Variants in GNB5 observed in about 807,000 individuals in gnomAD.
The protein encoded by GNB5 is G protein subunit beta 5, also known as guanine nucleotide-binding protein subunit beta-5.
GNB5 carries 37 observed loss-of-function variants against 55.3 expected under a neutral mutation model. The observed-to-expected ratio is 0.67, with a 90% CI of 0.51 to 0.88. GNB5 has a LOEUF of 0.88. GNB5 is among the 40% of genes least tolerant of loss of function. The probability of loss-of-function intolerance (pLI) is 0.00; values close to 1 mark genes in which losing one functional copy is unlikely to be tolerated. For missense variants in GNB5, 476 were observed against 515.3 expected (o/e 0.92, Z 0.74); for synonymous variants, 219 against 198.5 (o/e 1.10, Z -0.87).
At chr15:52,185,450 G>A (rs781422545) in intron 1 of GNB5, among the ~76,000 whole-genome samples, 8 of 152,186 alleles carry the variant, frequency 5.3e-5, no homozygotes, top group African/African-American at 7.2e-5. Context: ...GCTCAAGGTC[G>A]GTAATACAGG....
intron 4 of GNB5, among the ~76,000 whole-genome samples, chr15:52,151,397 A>C (rs2034093732): frequency 6.6e-6 from 1 of 152,170 alleles, no homozygotes; most frequent in Admixed American, 6.5e-5. Context: ...CATTAAACTA[A>C]GTGTGGTCTC....
intron 7 of GNB5, 27 bp from the exon 8 acceptor site, chr15:52,135,783 G>C: frequency 2.5e-6 from 4 of 1,608,546 alleles, no homozygotes; most frequent in Non-Finnish European, 3.4e-6. Flanking sequence ...ACAGGAAGTG[G>C]GTGGTTGTGG....
rs1596042591 is a variant in GNB5 at position 52,115,875 on chromosome 15, T to A, written c.*6882A>T. ...CCTAAGTGACCACCAATCTGCTTTTTGTCTTTATGAGTTTGCTTATTAGGA... is the reference window on the plus strand; with the variant it reads ...CCTAAGTGACCACCAATCTGCTTTTAGTCTTTATGAGTTTGCTTATTAGGA... On this transcript the variant is annotated 3_prime_UTR_variant, in exon 13 of 13. Transcript: ENST00000261837. The A allele has an allele frequency of 6.6e-6, 1 of 152,356 alleles. No homozygotes were observed. 9.4% of individuals were successfully genotyped at this position (152,356 alleles called of 1,614,324 possible).
rs1270526972 is a variant in GNB5 at position 52,179,788 on chromosome 15, G to T, written c.218C>A (p.Ala73Asp). 10 of 1,540,108 alleles carry T rather than the reference G, an allele frequency of 6.5e-6. No homozygotes were observed. Among genetic ancestry groups the T allele is most frequent in the African/African-American group, 2.9e-5 (2 of 69,998 alleles). The change falls in exon 3 of 13, where the codon GCC becomes GAC. Residue 73 changes from alanine (A) to aspartate (D), a missense_variant. Ala to Asp is a moderately radical substitution (Grantham distance 126, BLOSUM62 -2). Transcript: ENST00000261837. ...SLKGKLEEER[A>D]KLHDVELHQV... ...CTCACGCTCCACATCGTGCAGCTTG[G>T]CTCGCTCCTCCTCCAGCTTGCCCTT... is the stretch of plus-strand genomic sequence containing the variant.
rs1233168318 is a variant in GNB5, at chr15:52,120,424, G to C, written c.*2333C>G. On this transcript the variant is annotated 3_prime_UTR_variant, in exon 13 of 13. Coordinates refer to ENST00000261837, the MANE Select transcript of GNB5 (RefSeq NM_016194.4). ...AGGCTTCCTGCCCATGCGGGGAGTG[G>C]AAGCATTCTCTGGAATACTTTCCCT... is the stretch of plus-strand genomic sequence containing the variant. 2 of 152,250 alleles carry C rather than the reference G, an allele frequency of 1.3e-5. No homozygotes were observed. Among genetic ancestry groups the C allele is most frequent in the African/African-American group, 4.8e-5 (2 of 41,450 alleles). The allele number at this position is 152,250 out of a possible 1,614,324, so 9.4% of individuals were successfully genotyped here.
intron 3 of GNB5, among the ~76,000 whole-genome samples, chr15:52,169,908 G>T (rs940132290): frequency 3.9e-5 from 6 of 152,126 alleles, no homozygotes; most frequent in African/African-American, 1.4e-4. Flanking sequence ...CAAAGGACAT[G>T]AACAGACACT....
Position 52,120,476 on chromosome 15 carries a change from G to C in GNB5, c.*2281C>G, listed in dbSNP as rs994480649. 6.6e-6 allele frequency: 1 copy of C among 152,174 alleles called. No individual in the cohort carries two copies. The highest frequency in any genetic ancestry group is 2.4e-5 in the African/African-American group (1 of 41,428). The allele number at this position is 152,174 out of a possible 1,614,324, so 9.4% of individuals were successfully genotyped here. On this transcript the variant is annotated 3_prime_UTR_variant, in exon 13 of 13. Coordinates refer to ENST00000261837, the MANE Select transcript of GNB5 (RefSeq NM_016194.4). ...GGCCCTTAAAGTGGCTTTTTGGATT[G>C]GAAAGTCACAGTCTACTTTGCACAT...
chr15:52,147,119 T>C (rs1170050593), intron 6 of GNB5: 2 of 226,292 alleles, frequency 8.8e-6, no homozygotes, highest in African/African-American at 4.7e-5. Context: ...ATGTAACTAC[T>C]GTCAGTTTGT....
chr15:52,150,054 C>A (rs1376407235), intron 4 of GNB5, 129 bp from the exon 5 acceptor site: 3 of 706,280 alleles, frequency 4.2e-6, no homozygotes, highest in Non-Finnish European at 7.6e-6. Flanking sequence ...TCTGGATAAT[C>A]AAGACCCCCT....
intron 7 of GNB5, chr15:52,137,630 GA>G: frequency 8.8e-7 from 1 of 1,138,588 alleles, no homozygotes; most frequent in Non-Finnish European, 1.1e-6. Flanking sequence ...AAGACATGGG[GA>G]CAGGGCTGGA....
At chr15:52,185,363 C>A (rs1418850072) in intron 1 of GNB5, among the ~76,000 whole-genome samples, 1 of 152,252 alleles carries the variant, frequency 6.6e-6, no homozygotes, top group Non-Finnish European at 1.5e-5. Flanking sequence ...TTTTGCTAAT[C>A]TGTCAAGTGG....
rs1274719026 is a variant in GNB5 at position 52,120,097 on chromosome 15, C to G, written c.*2660G>C. On this transcript the variant is annotated 3_prime_UTR_variant, in exon 13 of 13. Transcript: ENST00000261837. ...TCCCATAAATACCCATCACCCACACCTTTCTGCCTGAACTTTCTTTTTTCT... is the reference window on the plus strand; with the variant it reads ...TCCCATAAATACCCATCACCCACACGTTTCTGCCTGAACTTTCTTTTTTCT... The G allele has an allele frequency of 6.6e-6, 1 of 152,366 alleles. No individual in the cohort carries two copies. Among genetic ancestry groups the G allele is most frequent in the African/African-American group, 2.4e-5 (1 of 41,462 alleles). The allele number at this position is 152,366 out of a possible 1,614,324, so 9.4% of individuals were successfully genotyped here.
At chr15:52,163,045 G>A (rs774361599) in intron 3 of GNB5, among the ~76,000 whole-genome samples, 21 of 152,272 alleles carry the variant, frequency 1.4e-4, no homozygotes, top group Non-Finnish European at 2.8e-4. Flanking sequence ...AGGAAAAGCA[G>A]GGTGGGGAGA....
chr15:52,188,026 C>T lies in GNB5; in HGVS notation c.-19+3296G>A, dbSNP rs143307195. ...CACAAAAAGGGGAAAGTAAATCGCC[C>T]ACATGCCCTACACCAACAACTGACC... On this transcript the variant is annotated intron_variant, in intron 1 of 12. Transcript: ENST00000261837. Among the ~76,000 whole-genome samples the T allele has an allele frequency of 9.2e-3, 1,391 of 151,932 alleles. 12 individuals are homozygous for T. The highest frequency in any genetic ancestry group is 0.011 in the Non-Finnish European group (774 of 67,930).
intron 3 of GNB5, among the ~76,000 whole-genome samples, chr15:52,155,621 T>C (rs995047366): frequency 4.3e-4 from 66 of 152,378 alleles, no homozygotes; most frequent in Non-Finnish European, 8.2e-4. Flanking sequence ...TTCAGTTGCA[T>C]GTTTAGCCTC....
chr15:52,123,304 A>G (rs762539956), intron 12 of GNB5, among the ~76,000 whole-genome samples: 1 of 152,164 alleles, frequency 6.6e-6, no homozygotes, highest in Non-Finnish European at 1.5e-5. Context: ...ATTTAGTTTT[A>G]AAGGGTTTGT....
chr15:52,161,736 C>G (rs1021939824), intron 3 of GNB5, among the ~76,000 whole-genome samples: 3 of 152,222 alleles, frequency 2.0e-5, no homozygotes, highest in Non-Finnish European at 4.4e-5. Flanking sequence ...CAGAAGAGAC[C>G]TGAATGACTC....
At chr15:52,183,341 G>GGA (rs1200124831) in intron 2 of GNB5, among the ~76,000 whole-genome samples, 2 of 151,474 alleles carry the variant, frequency 1.3e-5, no homozygotes, top group Non-Finnish European at 2.9e-5. Flanking sequence ...AATGGGGGGG[G>GGA]GGTAAGGCCC....
At chr15:52,144,169 C>G (rs1566938554) in intron 6 of GNB5, 1 of 152,220 alleles carries the variant, frequency 6.6e-6, no homozygotes, top group Non-Finnish European at 1.5e-5. Flanking sequence ...TTCCTTCCGT[C>G]CCGCTACCCC....
Sources: gnomAD v4.1 joint callset for allele counts (sites outside exome capture counted in the v4.1 genomes callset) on GRCh38, gnomAD v4.1.1 for gene constraint, MANE v1.5 for transcripts, NCBI Gene and HGNC (gene_info 2026-07-23, HGNC 2026-07-21) for gene names.